CAMTA1: variants seen among roughly 807,000 people sequenced by gnomAD.
CAMTA1 encodes calmodulin binding transcription activator 1, also known as calmodulin-binding transcription activator 1.
A neutral mutation model predicts 170.9 loss-of-function variants in CAMTA1; 27 were observed. That is an observed-to-expected ratio of 0.16 (90% CI 0.12 to 0.22). CAMTA1 has a LOEUF of 0.22. Ranked by LOEUF, CAMTA1 falls within the 10% of genes least tolerant of loss-of-function variation. The pLI is 1.00. For synonymous variants in CAMTA1, 833 were observed against 891.5 expected, an observed-to-expected ratio of 0.93 and a Z score of 1.17; for missense variants, 1,619 against 2,217.2, an observed-to-expected ratio of 0.73 and a Z score of 5.42.
At chr1:7,217,445 T>C (rs1210871717) in intron 4 of CAMTA1, among the ~76,000 whole-genome samples, 1 of 152,178 alleles carries the variant, frequency 6.6e-6, no homozygotes, top group Non-Finnish European at 1.5e-5. Context: ...ATATAACATA[T>C]AGTTGGATCT....
chr1:6,878,347 C>G (rs1042599359), intron 3 of CAMTA1, among the ~76,000 whole-genome samples: 1 of 152,192 alleles, frequency 6.6e-6, no homozygotes, highest in Admixed American at 6.5e-5. Flanking sequence ...AGGGCATTAC[C>G]ACAGCCCAGC....
At chr1:7,362,202 A>G (rs998889803) in intron 5 of CAMTA1, among the ~76,000 whole-genome samples, 2 of 152,188 alleles carry the variant, frequency 1.3e-5, no homozygotes, top group African/African-American at 4.8e-5. Flanking sequence ...CATTTCTCTT[A>G]TGATTGGTGG....
At chr1:7,447,605 A>G (rs2092712377) in intron 5 of CAMTA1, among the ~76,000 whole-genome samples, 1 of 151,858 alleles carries the variant, frequency 6.6e-6, no homozygotes, top group African/African-American at 2.4e-5. Context: ...GCAGCCCCTA[A>G]CCCTCCCTGG....
chr1:7,233,480 C>A (rs536865431), intron 4 of CAMTA1, among the ~76,000 whole-genome samples: 44 of 152,308 alleles, frequency 2.9e-4, no homozygotes, highest in Admixed American at 1.8e-3. Context: ...CATCTTAAAC[C>A]CCCTTTTCTT....
rs553259659 is a variant in CAMTA1, at chr1:7,680,811, G to GT, written c.2914+3078_2914+3079insT. ...AATTTGTTTGCTTGGCTAAAGGCCG[G>GT]GGGGGGGCGTGGGTCCGGGGCGCAG... On this transcript the variant is annotated intron_variant, in intron 11 of 22. Transcript: ENST00000303635. This position sits in a 1 kb window ranked among gnomAD's most constrained non-coding sequence, Gnocchi z 4.4. 8.9e-6 allele frequency among the ~76,000 whole-genome samples: 1 copy of GT among 111,854 alleles called. No individual in the cohort carries two copies. The highest frequency in any genetic ancestry group is 3.2e-5 in the African/African-American group (1 of 31,206). The allele number at this position is 111,854 out of a possible 152,430, so 73.4% of individuals were successfully genotyped here. A position where few individuals can be genotyped will look rare whatever the true frequency, so the allele number is the denominator to read the frequency against.
At chr1:6,975,249 T>C (rs756124985) in intron 3 of CAMTA1, among the ~76,000 whole-genome samples, 6 of 152,212 alleles carry the variant, frequency 3.9e-5, no homozygotes, top group African/African-American at 9.7e-5. Context: ...GTCCCTGCTC[T>C]TGCGGGGCTC....
At chr1:7,556,349 G>T (rs373170131) in intron 6 of CAMTA1, among the ~76,000 whole-genome samples, 99 of 152,252 alleles carry the variant, frequency 6.5e-4, no homozygotes, top group Admixed American at 1.0e-3. Flanking sequence ...CCAGCCCTAG[G>T]GGGGCAGTCC....
Position 7,280,549 on chromosome 1 carries a change from G to A in CAMTA1, c.438+30923G>A, listed in dbSNP as rs977586222. ...CGTGGATGTCAGAAAGAGCAACCAA[G>A]GGCAAGCCCTTCTTGGAGAGGCAGC... On this transcript the variant is annotated intron_variant, in intron 5 of 22. Coordinates refer to ENST00000303635, the MANE Select transcript of CAMTA1 (RefSeq NM_015215.4). Among the ~76,000 whole-genome samples the A allele has an allele frequency of 1.2e-4, 18 of 152,370 alleles. No homozygotes were observed. The South Asian group carries it at 1.2e-3, about 11-fold the overall frequency.
chr1:7,302,131 C>T (rs1263760676), intron 5 of CAMTA1, among the ~76,000 whole-genome samples: 1 of 149,778 alleles, frequency 6.7e-6, no homozygotes, highest in Non-Finnish European at 1.5e-5. Flanking sequence ...TTTGTCAATA[C>T]AGCAAAAGCA....
rs1184358353 is a variant in CAMTA1, at chr1:7,744,460, AG to A, written c.4183-370del. ...ACCGGGGTTCTCTAGGCCAGACAAA[AG>A]GGGGTGGTTAGATATTGGTTATGTA... On this transcript the variant is annotated intron_variant, in intron 16 of 22. Coordinates refer to ENST00000303635, the MANE Select transcript of CAMTA1 (RefSeq NM_015215.4). Among the ~76,000 whole-genome samples the A allele has an allele frequency of 5.9e-5, 9 of 152,230 alleles. No individual in the cohort carries two copies. In the East Asian group the frequency reaches 1.7e-3, roughly 29 times the overall value.
intron 4 of CAMTA1, among the ~76,000 whole-genome samples, chr1:7,127,099 A>G (rs1195311545): frequency 6.6e-6 from 1 of 152,128 alleles, no homozygotes; most frequent in Non-Finnish European, 1.5e-5. Flanking sequence ...AGGGTCAGGC[A>G]GCATGGGGCC....
intron 4 of CAMTA1, among the ~76,000 whole-genome samples, chr1:7,235,319 A>C (rs768287951): frequency 5.3e-5 from 8 of 152,106 alleles, no homozygotes; most frequent in Non-Finnish European, 1.2e-4. Context: ...GCCATTGGCT[A>C]TCCTTGCTTT....
chr1:7,514,998 G>A (rs537297897), intron 6 of CAMTA1, among the ~76,000 whole-genome samples: 20 of 152,218 alleles, frequency 1.3e-4, no homozygotes, highest in African/African-American at 4.1e-4. Flanking sequence ...TCATCAGGCC[G>A]GCCCTCCCCT....
In CAMTA1 at chr1:7,664,080, C is replaced by G. The variant is rs1370544306; in HGVS notation, c.1533C>G (p.Asn511Lys). Residue 511 changes from asparagine to lysine, a missense_variant, in exon 9 of 23, where the codon AAC (asparagine) becomes AAG (lysine). Around this residue, in one of 8 missense-constraint regions of CAMTA1, gnomAD observed 731 missense variants for 907.6 expected, o/e 0.81. Transcript: ENST00000303635. ...GGLKAEMVSS[N>K]IRHSPPGERS... ...TGAAAGCCGAGATGGTCAGCTCCAACATCCGGCACTCGCCACCCGGGGAGC... is the reference window on the plus strand; with the variant it reads ...TGAAAGCCGAGATGGTCAGCTCCAAGATCCGGCACTCGCCACCCGGGGAGC... The G allele has an allele frequency of 1.2e-6, 2 of 1,613,548 alleles. No homozygotes were observed. Among genetic ancestry groups the G allele is most frequent in the Admixed American group, 3.3e-5 (2 of 60,014 alleles).
At chr1:6,792,352 T>C (rs2148054594) in intron 1 of CAMTA1, among the ~76,000 whole-genome samples, 1 of 152,044 alleles carries the variant, frequency 6.6e-6, no homozygotes, top group African/African-American at 2.4e-5. Flanking sequence ...GTTTTTTTTT[T>C]TTTTTGCCAT....
chr1:7,147,576 C>A (rs148069717), intron 4 of CAMTA1, among the ~76,000 whole-genome samples: 1 of 151,646 alleles, frequency 6.6e-6, no homozygotes, highest in African/African-American at 2.4e-5. Flanking sequence ...ATCACACACA[C>A]GCACTGAAAT....
In CAMTA1 at chr1:6,963,483, C is replaced by G. The variant is rs550904829; in HGVS notation, c.235-127821C>G. ...GGCCGTCTGAGCCGTGACCTATAAACCCTGTTCTTCAGGGGGTGCCTTTCT... is the reference window on the plus strand; with the variant it reads ...GGCCGTCTGAGCCGTGACCTATAAAGCCTGTTCTTCAGGGGGTGCCTTTCT... On this transcript the variant is annotated intron_variant, in intron 3 of 22. Coordinates refer to ENST00000303635, the MANE Select transcript of CAMTA1 (RefSeq NM_015215.4). Among the ~76,000 whole-genome samples, 3 of 152,040 alleles carry G rather than the reference C, an allele frequency of 2.0e-5. No homozygotes were observed. In the South Asian group the frequency reaches 6.2e-4, roughly 32 times the overall value.
At position 7,570,503 on chromosome 1, in the gene CAMTA1, C is replaced by T. The variant is rs1475508357; in HGVS notation, c.511-69897C>T. On this transcript the variant is annotated intron_variant, in intron 6 of 22. Transcript: ENST00000303635. The surrounding 1 kb of genome is among the most constrained non-coding windows in gnomAD (Gnocchi z 4.3). ...AGTCACCAGCAGGAGTTTGGCTGCA[C>T]ATGGGCCCCAGCCAGAGACCTGGAG... Among the ~76,000 whole-genome samples, 1 of 152,228 alleles carries T rather than the reference C, an allele frequency of 6.6e-6. No individual in the cohort carries two copies. Among genetic ancestry groups the T allele is most frequent in the Non-Finnish European group, 1.5e-5 (1 of 68,036 alleles).
intron 7 of CAMTA1, among the ~76,000 whole-genome samples, chr1:7,649,370 TC>T (rs541464770): frequency 6.6e-6 from 1 of 152,306 alleles, no homozygotes; most frequent in East Asian, 1.9e-4. Context: ...CGCTGGGGGT[TC>T]CTGGAGAGGA....
Sources: allele counts gnomAD v4.1 joint callset (sites outside exome capture counted in the v4.1 genomes callset), GRCh38; gene constraint gnomAD v4.1.1; regional missense constraint gnomAD v4.1.1; non-coding constraint Gnocchi (gnomAD v3.1); transcripts MANE v1.5; gene names NCBI Gene and HGNC (gene_info 2026-07-23, HGNC 2026-07-21).